The following MEIG1 variants were observed in gnomAD, a reference collection of about 807,000 sequenced individuals.
The protein encoded by MEIG1 is meiosis/spermiogenesis associated 1, also known as meiosis expressed gene 1 protein homolog.
In MEIG1, 12 loss-of-function variants were observed where a neutral mutation model predicts 11.3. The observed-to-expected ratio is 1.07, with a 90% CI of 0.68 to 1.73. The LOEUF is 1.73. MEIG1 is among the 40% of genes most tolerant of loss of function. MEIG1 has a pLI of 0.00. For synonymous variants in MEIG1, 41 were observed against 33.2 expected, an observed-to-expected ratio of 1.24 and a Z score of -0.81; for missense variants, 119 against 104.9, an observed-to-expected ratio of 1.13 and a Z score of -0.59.
chr10:14,959,731 G>A (rs1356345129), intron 1 of MEIG1, among the ~76,000 whole-genome samples, 174 bp downstream of exon 1: 1 of 152,260 alleles, frequency 6.6e-6, no homozygotes, highest in Non-Finnish European at 1.5e-5. Context: ...GATTTTTAGG[G>A]AAGAGGGTCA....
intron 1 of MEIG1, among the ~76,000 whole-genome samples, chr10:14,962,577 A>G (rs1464136486): frequency 1.3e-5 from 2 of 152,190 alleles, no homozygotes; most frequent in Non-Finnish European, 2.9e-5. Flanking sequence ...GAAAGTGACA[A>G]AAGGTTACAT....
downstream of MEIG1, among the ~76,000 whole-genome samples, chr10:14,976,356 A>T (rs551143602): frequency 2.4e-3 from 367 of 152,298 alleles, 1 homozygote; most frequent in African/African-American, 8.5e-3. Flanking sequence ...TATTCCCAGT[A>T]TCCTAGCGGG....
intron 1 of MEIG1, among the ~76,000 whole-genome samples, chr10:14,965,252 T>C (rs1034031331): frequency 8.5e-5 from 13 of 152,236 alleles, no homozygotes; most frequent in South Asian, 4.1e-4. Flanking sequence ...CAAGGAATCA[T>C]AGTGAAAATT....
intron 1 of MEIG1, among the ~76,000 whole-genome samples, chr10:14,982,878 C>T (rs1843279195): frequency 6.6e-6 from 1 of 151,786 alleles, no homozygotes; most frequent in Non-Finnish European, 1.5e-5. Flanking sequence ...TTAATGATGC[C>T]TGGTATTAAT....
chr10:14,970,761 A>G (rs1016659349), intron 2 of MEIG1, among the ~76,000 whole-genome samples: 6 of 152,244 alleles, frequency 3.9e-5, no homozygotes, highest in African/African-American at 1.4e-4. Flanking sequence ...TCCTCTTCCT[A>G]CTGAAAGCTG....
intron 2 of MEIG1, among the ~76,000 whole-genome samples, chr10:14,969,829 C>A (rs1233739116): frequency 6.6e-6 from 1 of 152,124 alleles, no homozygotes. Context: ...GAGCGAGACT[C>A]CCCCACAAAA....
chr10:14,963,829 T>C (rs7918131), intron 1 of MEIG1, among the ~76,000 whole-genome samples: 97,248 of 151,814 alleles, frequency 0.64, 31,428 homozygotes, highest in Admixed American at 0.68. Flanking sequence ...CAAGGCGTGG[T>C]GGCTCACGCC....
At chr10:14,986,342 A>C (rs1421910085) in intron 1 of MEIG1, among the ~76,000 whole-genome samples, 1 of 152,136 alleles carries the variant, frequency 6.6e-6, no homozygotes, top group African/African-American at 2.4e-5. Context: ...AAAAACAAAA[A>C]ACCAGCATGA....
chr10:14,959,023 T>C (rs1589200713), upstream of MEIG1, among the ~76,000 whole-genome samples: 1 of 152,364 alleles, frequency 6.6e-6, no homozygotes, highest in South Asian at 2.1e-4. Context: ...ATATCATCTA[T>C]TGTAGGTTTA....
chr10:14,961,630 T>A (rs1843013614), intron 1 of MEIG1, among the ~76,000 whole-genome samples: 1 of 144,292 alleles, frequency 6.9e-6, no homozygotes, highest in African/African-American at 2.6e-5. Context: ...CGCCACCGCA[T>A]CCGGCTAATT....
At chr10:14,986,651 C>A (rs1299952814) in intron 1 of MEIG1, 5 of 225,694 alleles carry the variant, frequency 2.2e-5, no homozygotes, top group Non-Finnish European at 3.5e-5. Flanking sequence ...TTTCTGTTGC[C>A]CAGGTTGGAG....
At chr10:14,982,787 C>T (rs1458530113) in intron 1 of MEIG1, among the ~76,000 whole-genome samples, 1 of 152,038 alleles carries the variant, frequency 6.6e-6, no homozygotes, top group East Asian at 1.9e-4. Context: ...TCATATAATT[C>T]TTAAAATCAA....
intron 1 of MEIG1, among the ~76,000 whole-genome samples, chr10:14,978,759 T>G (rs540088504): frequency 5.4e-4 from 82 of 152,158 alleles, no homozygotes; most frequent in African/African-American, 2.0e-3. Flanking sequence ...GTATACCCTG[T>G]GATATTATTC....
At chr10:14,984,234 A>T (rs1843295020) in intron 1 of MEIG1, among the ~76,000 whole-genome samples, 1 of 114,756 alleles carries the variant, frequency 8.7e-6, no homozygotes. Flanking sequence ...TGCGATGTGG[A>T]TCGTAATATC....
chr10:14,981,488 C>T (rs1203842172), intron 1 of MEIG1, among the ~76,000 whole-genome samples: 1 of 152,148 alleles, frequency 6.6e-6, no homozygotes, highest in African/African-American at 2.4e-5. Context: ...TTTGCGGAAA[C>T]CCCCGTGGCT....
downstream of MEIG1, among the ~76,000 whole-genome samples, chr10:14,976,416 A>C (rs1317619255): frequency 2.0e-5 from 3 of 152,110 alleles, no homozygotes; most frequent in Admixed American, 1.3e-4. Context: ...TGTTATTCTT[A>C]TTCTCCTATG....
At chr10:14,981,257 G>C (rs1431965612) in intron 1 of MEIG1, among the ~76,000 whole-genome samples, 1 of 150,480 alleles carries the variant, frequency 6.6e-6, no homozygotes, top group Admixed American at 6.6e-5. Context: ...GTTCAGAAAA[G>C]TCTCCATTCC....
chr10:14,976,560 C>G (rs1480161687), downstream of MEIG1, among the ~76,000 whole-genome samples: 1 of 152,044 alleles, frequency 6.6e-6, no homozygotes, highest in East Asian at 1.9e-4. Context: ...CATAAGATGT[C>G]ACTCCTCATA....
At chr10:14,956,377 G>A (rs1055941789), upstream of MEIG1, among the ~76,000 whole-genome samples, 5 of 151,014 alleles carry the variant, frequency 3.3e-5, no homozygotes, top group Admixed American at 1.3e-4. Flanking sequence ...TCAGGAGTTC[G>A]AGACCAGCCT....
Sources: allele counts gnomAD v4.1 joint callset (sites outside exome capture counted in the v4.1 genomes callset), GRCh38; gene constraint gnomAD v4.1.1; transcripts MANE v1.5; gene names NCBI Gene and HGNC (gene_info 2026-07-23, HGNC 2026-07-21).